The following ZNF518A variants were observed in gnomAD, a reference collection of about 807,000 sequenced individuals.
The protein encoded by ZNF518A is zinc finger protein 518.
In ZNF518A, 47 loss-of-function variants were observed where a neutral mutation model predicts 102.7. The ratio of observed to expected loss-of-function variants is 0.46; its 90% CI spans 0.36 to 0.58. The LOEUF is 0.58. Ranked by LOEUF, ZNF518A falls within the 20% of genes least tolerant of loss-of-function variation. The pLI is 0.00. For synonymous variants in ZNF518A, 652 were observed against 594.6 expected (o/e 1.10, Z -1.40); for missense variants, 1,793 against 1,699.8 (o/e 1.05, Z -0.96).
intron 1 of ZNF518A, among the ~76,000 whole-genome samples, chr10:96,175,754 G>A (rs1368554918): frequency 6.6e-6 from 1 of 152,126 alleles, no homozygotes; most frequent in Non-Finnish European, 1.5e-5. Context: ...GGGTGCTCAG[G>A]AAGACCATAT....
At chr10:96,184,497 G>A (rs1347702632) in intron 1 of ZNF518A, among the ~76,000 whole-genome samples, 11 of 152,156 alleles carry the variant, frequency 7.2e-5, no homozygotes, top group African/African-American at 2.7e-4. Flanking sequence ...GGCAGGGCTG[G>A]TGGTGACAAA....
intron 1 of ZNF518A, among the ~76,000 whole-genome samples, chr10:96,193,281 C>T (rs888365455): frequency 4.6e-5 from 7 of 152,098 alleles, no homozygotes; most frequent in African/African-American, 1.7e-4. Context: ...TGTTGCTAAA[C>T]CAAATGCAGT....
chr10:96,204,937 A>C, downstream of ZNF518A: 1 of 355,482 alleles, frequency 2.8e-6, no homozygotes, highest in Non-Finnish European at 5.5e-6. Flanking sequence ...GAAGATGAGA[A>C]CATTTTAGCC....
At chr10:96,135,006 C>CTG (rs1554873896) in intron 3 of ZNF518A, among the ~76,000 whole-genome samples, 2 of 152,188 alleles carry the variant, frequency 1.3e-5, no homozygotes, top group African/African-American at 4.8e-5. Flanking sequence ...GGTTGGTGGG[C>CTG]TGTCCGTCAG....
chr10:96,189,250 A>G (rs1203375686), intron 1 of ZNF518A: 3 of 391,440 alleles, frequency 7.7e-6, no homozygotes, highest in Non-Finnish European at 1.4e-5. Flanking sequence ...CATTTATTAA[A>G]CACAGTAGGG....
At chr10:96,133,016 TAA>T (rs1194285624) in intron 2 of ZNF518A, 2 of 152,212 alleles carry the variant, frequency 1.3e-5, no homozygotes, top group African/African-American at 4.8e-5. Context: ...ATAAGTTATA[TAA>T]GTTATAGTTT....
At position 96,160,794 on chromosome 10, in the gene ZNF518A, A is replaced by G. The variant is rs1554887620; in HGVS notation, c.*20A>G. 7.9e-6 allele frequency: 12 copies of G among 1,509,452 alleles called. No homozygotes were observed. Among genetic ancestry groups the G allele is most frequent in the South Asian group, 6.9e-5 (5 of 71,968 alleles). 93.5% of individuals were successfully genotyped at this position (1,509,452 alleles called of 1,614,324 possible). On this transcript the variant is annotated 3_prime_UTR_variant, in exon 6 of 6. Coordinates refer to ENST00000316045, the MANE Select transcript of ZNF518A (RefSeq NM_001330736.2). ...GAATAGTTTACCATAATTACCAAGG[A>G]AAAGAAAAGTAAAATTACCTTAGAA...
chr10:96,153,488 T>C (rs1479013239), intron 3 of ZNF518A, among the ~76,000 whole-genome samples: 1 of 152,186 alleles, frequency 6.6e-6, no homozygotes, highest in African/African-American at 2.4e-5. Context: ...CTAGAGAAAC[T>C]TAAAATTTGA....
intron 1 of ZNF518A, among the ~76,000 whole-genome samples, chr10:96,176,503 G>A (rs1390244131): frequency 5.3e-5 from 8 of 152,178 alleles, no homozygotes; most frequent in Admixed American, 2.6e-4. Flanking sequence ...CTGGCTGAGT[G>A]CCTATAATCC....
At chr10:96,172,476 GAC>G (rs2083179463) in intron 1 of ZNF518A, among the ~76,000 whole-genome samples, 4 of 151,896 alleles carry the variant, frequency 2.6e-5, no homozygotes, top group African/African-American at 9.7e-5. Flanking sequence ...ACCTTTAAAA[GAC>G]ACAAAATTAT....
In ZNF518A at chr10:96,157,353, A is replaced by C. The variant is rs782364594; in HGVS notation, c.1031A>C (p.Asn344Thr). The C allele has an allele frequency of 1.2e-6, 2 of 1,610,780 alleles. No individual in the cohort carries two copies. The highest frequency in any genetic ancestry group is 1.7e-6 in the Non-Finnish European group (2 of 1,178,368). Residue 344 changes from asparagine to threonine, a missense_variant, in exon 6 of 6, where the codon AAC (asparagine) becomes ACC (threonine). This residue lies in a region of ZNF518A where 1,741 missense variants were observed against 1,622.6 expected (regional missense o/e 1.07). Transcript: ENST00000316045. ...NSGSDRSIEK[N>T]TQVLKKMNKT... ...GGAAGTGACAGAAGTATAGAAAAGA[A>C]CACTCAAGTGCTTAAGAAAATGAAC... is the stretch of plus-strand genomic sequence containing the variant.
chr10:96,173,570 G>C (rs1554891155), intron 1 of ZNF518A, among the ~76,000 whole-genome samples: 1 of 152,080 alleles, frequency 6.6e-6, no homozygotes, highest in African/African-American at 2.4e-5. Context: ...CAACTCATCA[G>C]GAAGCTATAA....
chr10:96,203,955 G>T, exon 3 of ZNF518A: 1 of 908,602 alleles, frequency 1.1e-6, no homozygotes. Flanking sequence ...CCAGGATAAC[G>T]CAGCTGGAAG....
At chr10:96,138,772 A>T (rs1297021544) in intron 3 of ZNF518A, among the ~76,000 whole-genome samples, 1 of 152,182 alleles carries the variant, frequency 6.6e-6, no homozygotes, top group African/African-American at 2.4e-5. Context: ...GCAGCATCCC[A>T]CATGCTGGTG....
chr10:96,132,964 A>G (rs183110499), intron 2 of ZNF518A: 65 of 152,278 alleles, frequency 4.3e-4, no homozygotes, highest in African/African-American at 1.5e-3. Context: ...CATTTCAAAT[A>G]AGAGACACTC....
At chr10:96,139,915 A>G (rs1025894268) in intron 3 of ZNF518A, among the ~76,000 whole-genome samples, 1 of 152,132 alleles carries the variant, frequency 6.6e-6, no homozygotes, top group African/African-American at 2.4e-5. Context: ...CTGGAGTGCA[A>G]TGGTGTGATC....
intron 1 of ZNF518A, among the ~76,000 whole-genome samples, chr10:96,179,938 G>A (rs1354370923): frequency 2.7e-5 from 4 of 149,352 alleles, no homozygotes; most frequent in Non-Finnish European, 5.9e-5. Flanking sequence ...GAGTGCAGTG[G>A]CACAACCTCG....
At chr10:96,185,208 T>C (rs1303777874) in intron 1 of ZNF518A, among the ~76,000 whole-genome samples, 5 of 152,238 alleles carry the variant, frequency 3.3e-5, no homozygotes, top group Non-Finnish European at 7.3e-5. Context: ...TCGTCTAATC[T>C]TTTTTCAAGG....
rs374465577 is a variant in ZNF518A, at chr10:96,159,175, A to G, written c.2853A>G (p.Pro951=). Residue 951 remains proline, a synonymous_variant, in exon 6 of 6, where the codon CCA becomes CCG. Transcript: ENST00000316045. The part of the protein sequence containing the change: ...PLNITNKPGL[P]VIPGNALPLV... ...ACATTACTAACAAGCCTGGGCTACC[A>G]GTTATTCCTGGAAATGCACTTCCAT... is the stretch of plus-strand genomic sequence containing the variant. The G allele has an allele frequency of 7.0e-5, 113 of 1,613,826 alleles. No homozygotes were observed. The highest frequency in any genetic ancestry group is 2.2e-4 in the Admixed American group (13 of 60,010).
Sources: allele counts gnomAD v4.1 joint callset (sites outside exome capture counted in the v4.1 genomes callset), GRCh38; gene constraint gnomAD v4.1.1; regional missense constraint gnomAD v4.1.1; transcripts MANE v1.5; gene names NCBI Gene and HGNC (gene_info 2026-07-23, HGNC 2026-07-21).